The following CCDC150 variants were observed in gnomAD, a reference collection of about 807,000 sequenced individuals.
The protein encoded by CCDC150 is coiled-coil domain-containing protein 150.
In CCDC150, 151 loss-of-function variants were observed where a neutral mutation model predicts 156.5. The observed-to-expected ratio is 0.97, with a 90% CI of 0.85 to 1.10. The LOEUF is 1.10. Among genes scored for constraint, CCDC150 ranks in the 50% least tolerant of loss-of-function variants. The probability of loss-of-function intolerance (pLI) is 0.00; values close to 1 mark genes in which losing one functional copy is unlikely to be tolerated. For missense variants in CCDC150, 1,312 were observed against 1,268.1 expected (o/e 1.03, Z -0.53); for synonymous variants, 452 against 429.4 (o/e 1.05, Z -0.65).
chr2:196,643,153 T>G (rs1007894803), intron 1 of CCDC150, among the ~76,000 whole-genome samples: 1 of 152,232 alleles, frequency 6.6e-6, no homozygotes, highest in Non-Finnish European at 1.5e-5. Flanking sequence ...TAAGAGGATA[T>G]TTTAAGGACA....
intron 2 of CCDC150, among the ~76,000 whole-genome samples, chr2:196,647,138 G>A (rs1216475184): frequency 6.6e-6 from 1 of 151,532 alleles, no homozygotes; most frequent in Non-Finnish European, 1.5e-5. Context: ...TAGTATAGTT[G>A]GTATAATACC....
chr2:196,697,034 A>G (rs937045372), intron 14 of CCDC150, among the ~76,000 whole-genome samples: 5 of 152,208 alleles, frequency 3.3e-5, no homozygotes, highest in African/African-American at 1.2e-4. Flanking sequence ...CTGCACATCC[A>G]TATCAGAATA....
At chr2:196,682,787 G>A (rs1255664069) in intron 13 of CCDC150, among the ~76,000 whole-genome samples, 4 of 151,998 alleles carry the variant, frequency 2.6e-5, no homozygotes, top group Non-Finnish European at 5.9e-5. Flanking sequence ...ACCTATCAAT[G>A]ACAGTGAGGA....
intron 14 of CCDC150, 32 bp from the exon 15 acceptor site, chr2:196,701,077 A>T: frequency 6.9e-7 from 1 of 1,449,788 alleles, no homozygotes; most frequent in Non-Finnish European, 9.6e-7. Context: ...TTCTATGCCT[A>T]GAGGTTCTGA....
chr2:196,658,899 T>C (rs1398502505), intron 5 of CCDC150, 39 bp downstream of exon 5: 13 of 1,369,984 alleles, frequency 9.5e-6, no homozygotes, highest in Non-Finnish European at 1.3e-5. Flanking sequence ...GGTGTTGGAA[T>C]TGCAGAGGGG....
intron 2 of CCDC150, among the ~76,000 whole-genome samples, chr2:196,646,968 A>AG (rs1350155563): frequency 6.6e-6 from 1 of 152,076 alleles, no homozygotes; most frequent in Non-Finnish European, 1.5e-5. Flanking sequence ...CTAAAAAACA[A>AG]TTTTTTTCCC....
intron 17 of CCDC150, chr2:196,713,824 A>T (rs1426151967): frequency 3.2e-6 from 3 of 938,518 alleles, no homozygotes; most frequent in Non-Finnish European, 4.3e-6. Context: ...ACTAATATAG[A>T]TTGAAACCAT....
intron 15 of CCDC150, among the ~76,000 whole-genome samples, chr2:196,711,093 A>G (rs1320103389): frequency 6.6e-6 from 1 of 152,214 alleles, no homozygotes; most frequent in Non-Finnish European, 1.5e-5. Flanking sequence ...AAGTTAGGTA[A>G]GTGCTTGGTT....
intron 17 of CCDC150, among the ~76,000 whole-genome samples, chr2:196,715,035 T>C (rs150517484): frequency 1.2e-3 from 176 of 152,280 alleles, no homozygotes; most frequent in African/African-American, 4.1e-3. Context: ...ACATCCTCCT[T>C]TGTTACCGTT....
intron 5 of CCDC150, among the ~76,000 whole-genome samples, chr2:196,662,818 C>T (rs1693632462): frequency 6.6e-6 from 1 of 152,120 alleles, no homozygotes; most frequent in Non-Finnish European, 1.5e-5. Flanking sequence ...CACCTGTGGT[C>T]CCAGCTACTT....
chr2:196,717,681 T>A (rs1475208718), intron 17 of CCDC150, among the ~76,000 whole-genome samples: 2 of 152,070 alleles, frequency 1.3e-5, no homozygotes, highest in Non-Finnish European at 2.9e-5. Context: ...CACCTGAGGT[T>A]AGGAGTTCGA....
At position 196,656,618 on chromosome 2, in the gene CCDC150, G is replaced by T; in HGVS notation, c.177-15G>T. The T allele has an allele frequency of 6.4e-7, 1 of 1,559,980 alleles. No homozygotes were observed. Among genetic ancestry groups the T allele is most frequent in the South Asian group, 1.1e-5 (1 of 87,160 alleles). On this transcript the variant is annotated splice_polypyrimidine_tract_variant and intron_variant, in intron 2 of 27. Transcript: ENST00000389175. ...TTGCATTGCATAATATTGTTATATT[G>T]GGATCTTTGTCCAGAGGCTATTTGG...
intron 15 of CCDC150, among the ~76,000 whole-genome samples, chr2:196,706,997 C>G (rs535960044): frequency 3.7e-4 from 57 of 152,242 alleles, no homozygotes; most frequent in Admixed American, 3.0e-3. Context: ...CTCTGCCAGG[C>G]TTTGGTATCA....
chr2:196,659,996 C>T (rs548811371), intron 5 of CCDC150, among the ~76,000 whole-genome samples: 1 of 152,156 alleles, frequency 6.6e-6, no homozygotes, highest in African/African-American at 2.4e-5. Context: ...CATGTCTTCC[C>T]CTGAGCCCCT....
intron 13 of CCDC150, among the ~76,000 whole-genome samples, chr2:196,692,020 T>G (rs956136844): frequency 6.6e-5 from 10 of 152,292 alleles, no homozygotes; most frequent in Middle Eastern, 3.4e-3. Flanking sequence ...AGTTCACCTC[T>G]GATTTTGATT....
chr2:196,649,862 T>C (rs1692772113), intron 2 of CCDC150, among the ~76,000 whole-genome samples: 1 of 152,262 alleles, frequency 6.6e-6, no homozygotes, highest in Non-Finnish European at 1.5e-5. Context: ...CCTGCAACTT[T>C]ACTGAATTCA....
chr2:196,719,390 GTC>G, intron 18 of CCDC150, 105 bp from the exon 19 acceptor site: 1 of 801,762 alleles, frequency 1.2e-6, no homozygotes, highest in South Asian at 2.6e-5. Context: ...ATCCTACTGT[GTC>G]TGCTTGTCTG....
At chr2:196,724,613 C>T (rs1341425537) in intron 21 of CCDC150, among the ~76,000 whole-genome samples, 2 of 152,090 alleles carry the variant, frequency 1.3e-5, no homozygotes, top group African/African-American at 2.4e-5. Flanking sequence ...GTGTACCATA[C>T]TCAAGGTCAG....
intron 14 of CCDC150, among the ~76,000 whole-genome samples, chr2:196,695,806 G>A (rs1469358583): frequency 4.3e-5 from 6 of 137,962 alleles, no homozygotes; most frequent in South Asian, 4.7e-4. Flanking sequence ...GCGAGATTCC[G>A]TCTCAAAAAA....
Sources: gnomAD v4.1 joint callset for allele counts (sites outside exome capture counted in the v4.1 genomes callset) on GRCh38, gnomAD v4.1.1 for gene constraint, MANE v1.5 for transcripts, NCBI Gene and HGNC (gene_info 2026-07-23, HGNC 2026-07-21) for gene names.